PPP1R12B: variants seen among roughly 807,000 people sequenced by gnomAD.
PPP1R12B encodes the protein protein phosphatase 1 regulatory subunit 12B.
A neutral mutation model predicts 126.1 loss-of-function variants in PPP1R12B; 76 were observed. That is an observed-to-expected ratio of 0.60 (90% CI 0.50 to 0.73). The LOEUF is 0.73. PPP1R12B is among the 30% of genes least tolerant of loss of function. The pLI is 0.00. For synonymous variants in PPP1R12B, 356 were observed against 434.7 expected (o/e 0.82, Z 2.25); for missense variants, 1,052 against 1,205.1 (o/e 0.87, Z 1.88).
chr1:202,495,216 CA>C, intron 15 of PPP1R12B, 76 bp from the exon 16 acceptor site: 2 of 1,340,822 alleles, frequency 1.5e-6, no homozygotes, highest in Non-Finnish European at 2.0e-6. Flanking sequence ...TAGAAAAAAA[CA>C]TTTTGTATAA....
intron 18 of PPP1R12B, among the ~76,000 whole-genome samples, chr1:202,552,349 C>T (rs1320241457): frequency 6.6e-6 from 1 of 152,164 alleles, no homozygotes; most frequent in East Asian, 1.9e-4. Flanking sequence ...AGAATCTTCT[C>T]TGTTTGAATT....
At chr1:202,486,667 C>T (rs1156304605) in intron 13 of PPP1R12B, among the ~76,000 whole-genome samples, 3 of 152,104 alleles carry the variant, frequency 2.0e-5, no homozygotes, top group Admixed American at 6.5e-5. Flanking sequence ...GTTAGCAGGG[C>T]GTAGTGGCGT....
At chr1:202,525,588 T>C (rs1320703124) in intron 18 of PPP1R12B, among the ~76,000 whole-genome samples, 3 of 151,786 alleles carry the variant, frequency 2.0e-5, no homozygotes, top group Non-Finnish European at 4.4e-5. Context: ...ATTGAAAACA[T>C]TGAGAAAAGC....
intron 18 of PPP1R12B, among the ~76,000 whole-genome samples, chr1:202,552,719 T>C (rs1192249611): frequency 6.6e-6 from 1 of 151,810 alleles, no homozygotes; most frequent in Admixed American, 6.5e-5. Flanking sequence ...GGAGAAAATG[T>C]AAATAGAAGT....
intron 18 of PPP1R12B, among the ~76,000 whole-genome samples, chr1:202,530,435 A>G (rs1467800315): frequency 1.3e-5 from 2 of 152,212 alleles, no homozygotes; most frequent in African/African-American, 4.8e-5. Flanking sequence ...GTTCACATTA[A>G]AAAGAGATAG....
intron 12 of PPP1R12B, among the ~76,000 whole-genome samples, chr1:202,443,501 A>G (rs1052080306): frequency 2.6e-5 from 4 of 152,276 alleles, no homozygotes; most frequent in Non-Finnish European, 5.9e-5. Context: ...GGAAATAGCT[A>G]GAAAACAAAC....
chr1:202,560,993 C>A (rs1687464203), intron 19 of PPP1R12B, among the ~76,000 whole-genome samples: 3 of 150,468 alleles, frequency 2.0e-5, no homozygotes, highest in Non-Finnish European at 4.4e-5. Flanking sequence ...GCACATGTAC[C>A]CTAAAACTTA....
chr1:202,465,124 T>C (rs1287304683), intron 13 of PPP1R12B, among the ~76,000 whole-genome samples: 2 of 152,210 alleles, frequency 1.3e-5, no homozygotes, highest in East Asian at 1.9e-4. Flanking sequence ...ATAAGTAATA[T>C]TCTTTTCTTA....
Position 202,588,574 on chromosome 1 carries a change from T to C in PPP1R12B, c.*8014T>C, listed in dbSNP as rs1689963158. 1 of 152,620 alleles carries C rather than the reference T, an allele frequency of 6.6e-6. No individual in the cohort carries two copies. The highest frequency in any genetic ancestry group is 2.4e-5 in the African/African-American group (1 of 41,446). 9.5% of individuals were successfully genotyped at this position (152,620 alleles called of 1,614,324 possible). On this transcript the variant is annotated 3_prime_UTR_variant, in exon 24 of 24. Coordinates refer to ENST00000608999, the MANE Select transcript of PPP1R12B (RefSeq NM_002481.4). Reference sequence around the variant, plus strand: ...TAAAACTGTGTTTTAACTTTGTGACTGTCTCCACAGTTCAGAGCATGGGAT... The same window carrying C: ...TAAAACTGTGTTTTAACTTTGTGACCGTCTCCACAGTTCAGAGCATGGGAT...
chr1:202,469,339 T>C (rs548432555), intron 13 of PPP1R12B, among the ~76,000 whole-genome samples: 1 of 152,300 alleles, frequency 6.6e-6, no homozygotes, highest in Non-Finnish European at 1.5e-5. Flanking sequence ...CTTTCTAGTG[T>C]GAGAAAATGT....
intron 18 of PPP1R12B, among the ~76,000 whole-genome samples, chr1:202,532,810 T>G (rs750843944): frequency 6.6e-6 from 1 of 151,892 alleles, no homozygotes; most frequent in Non-Finnish European, 1.5e-5. Context: ...TACAGAAATA[T>G]TTCAAGAATA....
At chr1:202,402,401 C>A (rs1424114728) in intron 1 of PPP1R12B, among the ~76,000 whole-genome samples, 1 of 152,136 alleles carries the variant, frequency 6.6e-6, no homozygotes, top group Non-Finnish European at 1.5e-5. Flanking sequence ...ATTCTACTTC[C>A]CTTCTTCTAG....
At chr1:202,354,407 C>T (rs1656643086) in intron 1 of PPP1R12B, among the ~76,000 whole-genome samples, 2 of 152,038 alleles carry the variant, frequency 1.3e-5, no homozygotes, top group Non-Finnish European at 2.9e-5. Flanking sequence ...CTTGTCTTTA[C>T]AAAAAAATAA....
chr1:202,538,752 T>A (rs1572435606), intron 18 of PPP1R12B, among the ~76,000 whole-genome samples: 1 of 152,230 alleles, frequency 6.6e-6, no homozygotes, highest in East Asian at 1.9e-4. Context: ...AGATGTTTCT[T>A]CCAGGTCAAA....
chr1:202,545,593 T>C (rs2148971596), intron 18 of PPP1R12B, among the ~76,000 whole-genome samples: 1 of 152,342 alleles, frequency 6.6e-6, no homozygotes, highest in East Asian at 1.9e-4. Context: ...GACACCAGTA[T>C]TCATAAATGA....
At chr1:202,364,921 A>T (rs1181759878) in intron 1 of PPP1R12B, among the ~76,000 whole-genome samples, 1 of 152,182 alleles carries the variant, frequency 6.6e-6, no homozygotes, top group East Asian at 1.9e-4. Context: ...TGTGTTGCCC[A>T]GGCAGGTCTT....
At chr1:202,575,786 C>T (rs1689037769) in intron 23 of PPP1R12B, 1 of 152,208 alleles carries the variant, frequency 6.6e-6, no homozygotes, top group South Asian at 2.1e-4. Flanking sequence ...TCAAACCTCT[C>T]CTATTGATTC....
At chr1:202,358,047 A>G (rs1253840552) in intron 1 of PPP1R12B, among the ~76,000 whole-genome samples, 1 of 152,178 alleles carries the variant, frequency 6.6e-6, no homozygotes, top group Non-Finnish European at 1.5e-5. Context: ...AATTACATAT[A>G]TATCTTCTCT....
rs377453256 is a variant in PPP1R12B, at chr1:202,582,497, CTCTG to C, written c.*1943_*1946del. On this transcript the variant is annotated 3_prime_UTR_variant, in exon 24 of 24. Coordinates refer to ENST00000608999, the MANE Select transcript of PPP1R12B (RefSeq NM_002481.4). Reference sequence around the variant, plus strand: ...GGTTCATTCCCTTAATATATACTACCTCTGTCTGTTAATTCTTTCCTAACATGAC... The same window carrying C: ...GGTTCATTCCCTTAATATATACTACCTCTGTTAATTCTTTCCTAACATGAC... The C allele has an allele frequency of 1.1e-4, 17 of 152,538 alleles. No homozygotes were observed. The highest frequency in any genetic ancestry group is 4.1e-4 in the African/African-American group (17 of 41,416). The allele number at this position is 152,538 out of a possible 1,614,324, so 9.4% of individuals were successfully genotyped here.
Sources: allele counts gnomAD v4.1 joint callset (sites outside exome capture counted in the v4.1 genomes callset), GRCh38; gene constraint gnomAD v4.1.1; transcripts MANE v1.5; gene names NCBI Gene and HGNC (gene_info 2026-07-23, HGNC 2026-07-21).